The following SCHIP1 variants were observed in gnomAD, a reference collection of about 807,000 sequenced individuals.
SCHIP1 encodes schwannomin-interacting protein 1.
SCHIP1 carries 8 observed loss-of-function variants against 29.7 expected under a neutral mutation model. The ratio of observed to expected loss-of-function variants is 0.27; its 90% CI spans 0.16 to 0.49. The LOEUF is 0.49. Ranked by LOEUF, SCHIP1 falls within the 20% of genes least tolerant of loss-of-function variation. SCHIP1 has a pLI of 0.99. For synonymous variants in SCHIP1, 76 were observed against 94.9 expected (o/e 0.80, Z 1.16); for missense variants, 193 against 294.6 (o/e 0.66, Z 2.52).
the SCHIP1 span, among the ~76,000 whole-genome samples, chr3:159,433,642 A>T: frequency 6.6e-6 from 1 of 152,160 alleles, no homozygotes; most frequent in Non-Finnish European, 1.5e-5. Flanking sequence ...GATTTGACAC[A>T]GTCGAAATTA....
chr3:159,382,014 C>T, the SCHIP1 span, among the ~76,000 whole-genome samples: 1 of 151,898 alleles, frequency 6.6e-6, no homozygotes, highest in South Asian at 2.1e-4. Context: ...ATAAATGCTT[C>T]GGCCTAATAG....
chr3:159,749,273 G>T, the SCHIP1 span, among the ~76,000 whole-genome samples: 42,023 of 151,686 alleles, frequency 0.28, 5,862 homozygotes, highest in Middle Eastern at 0.35. Flanking sequence ...GCCCAAGAAG[G>T]TCAAGGCTGC....
the SCHIP1 span, among the ~76,000 whole-genome samples, chr3:159,359,615 T>G: frequency 1.3e-5 from 2 of 152,172 alleles, no homozygotes; most frequent in African/African-American, 4.8e-5. Context: ...AATTTATTTC[T>G]AAATAAATAA....
the SCHIP1 span, among the ~76,000 whole-genome samples, chr3:159,418,935 T>C: frequency 1.3e-5 from 2 of 152,266 alleles, no homozygotes; most frequent in African/African-American, 4.8e-5. Context: ...TTGCCTTTTA[T>C]GTACTGTGTG....
the SCHIP1 span, among the ~76,000 whole-genome samples, chr3:159,720,207 A>G: frequency 8.1e-6 from 1 of 123,592 alleles, no homozygotes; most frequent in Non-Finnish European, 1.6e-5. Flanking sequence ...GGTGGGGAAC[A>G]TCACACACCG....
intron 2 of SCHIP1, among the ~76,000 whole-genome samples, chr3:159,878,256 T>C (rs138586389): frequency 0.011 from 1,667 of 151,972 alleles, 33 homozygotes; most frequent in African/African-American, 0.039. Flanking sequence ...GGCAGGTGGA[T>C]CACATGAGGT....
chr3:159,767,943 T>C, the SCHIP1 span, among the ~76,000 whole-genome samples: 1 of 152,164 alleles, frequency 6.6e-6, no homozygotes, highest in Non-Finnish European at 1.5e-5. Context: ...GCCTGGAACA[T>C]GCCTGGGATG....
At chr3:159,818,281 G>C in the SCHIP1 span, among the ~76,000 whole-genome samples, 1 of 152,226 alleles carries the variant, frequency 6.6e-6, no homozygotes, top group Non-Finnish European at 1.5e-5. Context: ...GAGAGAAAGT[G>C]GTTGAAAAGC....
chr3:159,348,230 T>G, the SCHIP1 span, among the ~76,000 whole-genome samples: 1 of 152,146 alleles, frequency 6.6e-6, no homozygotes, highest in African/African-American at 2.4e-5. Flanking sequence ...GTAGCAAAGA[T>G]ACCACATACC....
At chr3:159,335,598 G>T in the SCHIP1 span, among the ~76,000 whole-genome samples, 2,598 of 152,124 alleles carry the variant, frequency 0.017, 92 homozygotes, top group African/African-American at 0.06. Flanking sequence ...GTGGTGATTG[G>T]TTTTTTATCC....
At chr3:159,411,768 C>A in the SCHIP1 span, among the ~76,000 whole-genome samples, 1 of 152,126 alleles carries the variant, frequency 6.6e-6, no homozygotes, top group Non-Finnish European at 1.5e-5. Context: ...TTTCATGTAA[C>A]CTTGCAACAG....
chr3:159,534,425 G>T, the SCHIP1 span, among the ~76,000 whole-genome samples: 1 of 152,110 alleles, frequency 6.6e-6, no homozygotes, highest in Non-Finnish European at 1.5e-5. Context: ...TGACTCAATA[G>T]AAGTTAACTT....
At chr3:159,361,218 G>C in the SCHIP1 span, among the ~76,000 whole-genome samples, 1 of 152,234 alleles carries the variant, frequency 6.6e-6, no homozygotes, top group African/African-American at 2.4e-5. Flanking sequence ...AGAGATAAGA[G>C]AGTGCTACAG....
At chr3:159,605,844 A>T in the SCHIP1 span, among the ~76,000 whole-genome samples, 1 of 152,290 alleles carries the variant, frequency 6.6e-6, no homozygotes, top group African/African-American at 2.4e-5. Context: ...GACAACCTAG[A>T]GCAGTCTACC....
the SCHIP1 span, among the ~76,000 whole-genome samples, chr3:159,720,034 T>C: frequency 6.6e-6 from 1 of 152,114 alleles, no homozygotes; most frequent in Non-Finnish European, 1.5e-5. Flanking sequence ...ATATACACCA[T>C]GGAATACTAT....
At chr3:159,843,157 C>T (rs1029416944) in intron 1 of SCHIP1, among the ~76,000 whole-genome samples, 16 of 151,018 alleles carry the variant, frequency 1.1e-4, no homozygotes, top group South Asian at 2.1e-4. Context: ...GGATTACAGG[C>T]GCCCGCCACC....
the SCHIP1 span, among the ~76,000 whole-genome samples, chr3:159,789,383 G>T: frequency 6.6e-6 from 1 of 152,206 alleles, no homozygotes; most frequent in African/African-American, 2.4e-5. Flanking sequence ...TGATTTAAAT[G>T]TTAATCACAT....
At chr3:159,328,389 A>G in the SCHIP1 span, among the ~76,000 whole-genome samples, 1 of 152,202 alleles carries the variant, frequency 6.6e-6, no homozygotes, top group African/African-American at 2.4e-5. Flanking sequence ...GGGCTGTGAC[A>G]GAAGTATGTC....
chr3:159,387,804 G>A, the SCHIP1 span, among the ~76,000 whole-genome samples: 1 of 152,122 alleles, frequency 6.6e-6, no homozygotes, highest in African/African-American at 2.4e-5. Flanking sequence ...ACTGGGCCAT[G>A]GGCTGAGCTG....
Sources: allele counts gnomAD v4.1 joint callset (sites outside exome capture counted in the v4.1 genomes callset), GRCh38; gene constraint gnomAD v4.1.1; transcripts MANE v1.5; gene names NCBI Gene and HGNC (gene_info 2026-07-23, HGNC 2026-07-21).